The following TMX4 variants were observed in gnomAD, a reference collection of about 807,000 sequenced individuals.
TMX4 encodes the protein thioredoxin-related transmembrane protein 4.
TMX4 carries 23 observed loss-of-function variants against 33.3 expected under a neutral mutation model. The ratio of observed to expected loss-of-function variants is 0.69; its 90% CI spans 0.50 to 0.98. TMX4 has a LOEUF of 0.98. Among genes scored for constraint, TMX4 ranks in the 50% least tolerant of loss-of-function variants. The pLI is 0.00. For synonymous variants in TMX4, 164 were observed against 161.5 expected (o/e 1.02, Z -0.12); for missense variants, 399 against 448.9 (o/e 0.89, Z 1.01).
intron 5 of TMX4, among the ~76,000 whole-genome samples, chr20:7,991,450 A>G (rs1286778889): frequency 6.6e-6 from 1 of 152,180 alleles, no homozygotes; most frequent in Non-Finnish European, 1.5e-5. Context: ...TTTGCATTAC[A>G]CTTACCAGGT....
chr20:7,992,534 A>T (rs1029319261), intron 5 of TMX4, among the ~76,000 whole-genome samples: 1 of 152,208 alleles, frequency 6.6e-6, no homozygotes, highest in African/African-American at 2.4e-5. Context: ...CTGCCTCATA[A>T]GACTATTCAA....
rs959681711 is a variant in TMX4, at chr20:7,978,951, A to G, written c.*3300T>C. On this transcript the variant is annotated 3_prime_UTR_variant, in exon 8 of 8. Transcript: ENST00000246024. ...CCCTGCTCCAACTCCCCAAACATAA[A>G]GCACTGCACATTCCCATTCCAAAAC... is the stretch of plus-strand genomic sequence containing the variant. 2.0e-5 allele frequency: 3 copies of G among 152,198 alleles called. No individual in the cohort carries two copies. Among genetic ancestry groups the G allele is most frequent in the African/African-American group, 7.2e-5 (3 of 41,452 alleles). 9.4% of individuals were successfully genotyped at this position (152,198 alleles called of 1,614,324 possible).
chr20:7,996,631 C>T (rs1020914509), intron 4 of TMX4, among the ~76,000 whole-genome samples: 1 of 152,086 alleles, frequency 6.6e-6, no homozygotes, highest in Non-Finnish European at 1.5e-5. Context: ...CAGGAAAAGT[C>T]TAACTCTCTT....
rs1320353459 is a variant in TMX4, at chr20:7,982,428, C to T, written c.873G>A (p.Glu291=). Residue 291 remains glutamate, a synonymous_variant, in exon 8 of 8, where the codon GAG becomes GAA. Transcript: ENST00000246024. ...EEDNLAAGVD[E]ERSEANDQGP... is the part of the protein sequence containing the mutation. ...CCTGATCATTGGCCTCACTTCTCTCCTCATCCACACCAGCAGCCAAGTTGT... is the reference window on the plus strand; with the variant it reads ...CCTGATCATTGGCCTCACTTCTCTCTTCATCCACACCAGCAGCCAAGTTGT... The T allele has an allele frequency of 6.2e-7, 1 of 1,614,146 alleles. No homozygotes were observed. Among genetic ancestry groups the T allele is most frequent in the Admixed American group, 1.7e-5 (1 of 60,022 alleles).
At chr20:8,001,827 A>G (rs939618046) in intron 2 of TMX4, among the ~76,000 whole-genome samples, 1 of 152,200 alleles carries the variant, frequency 6.6e-6, no homozygotes, top group Non-Finnish European at 1.5e-5. Context: ...TTACCCATTT[A>G]TTAACTTTAT....
At chr20:8,011,223 G>A (rs1401205335) in intron 1 of TMX4, among the ~76,000 whole-genome samples, 5 of 151,872 alleles carry the variant, frequency 3.3e-5, no homozygotes, top group African/African-American at 1.2e-4. Context: ...TACAAAATGT[G>A]GCACCTATTA....
At chr20:7,992,815 A>C (rs1054467530) in intron 5 of TMX4, among the ~76,000 whole-genome samples, 2 of 152,196 alleles carry the variant, frequency 1.3e-5, no homozygotes, top group Non-Finnish European at 2.9e-5. Flanking sequence ...TTCTAGATAT[A>C]TCTCTGATCT....
intron 6 of TMX4, among the ~76,000 whole-genome samples, chr20:7,985,687 G>A (rs963326889): frequency 3.3e-5 from 5 of 151,958 alleles, no homozygotes; most frequent in South Asian, 2.1e-4. Flanking sequence ...TTATTATTTC[G>A]TTAATAAAGT....
intron 1 of TMX4, 28 bp from the exon 2 acceptor site, chr20:8,010,343 G>A (rs772918096): frequency 7.0e-6 from 10 of 1,423,906 alleles, no homozygotes; most frequent in Non-Finnish European, 9.7e-6. Context: ...GAATTATATT[G>A]ATAAATATAC....
At chr20:8,000,281 C>G (rs1043061514) in intron 3 of TMX4, among the ~76,000 whole-genome samples, 1 of 152,122 alleles carries the variant, frequency 6.6e-6, no homozygotes, top group Non-Finnish European at 1.5e-5. Flanking sequence ...GTCATACCCC[C>G]CTTCAACCTG....
intron 5 of TMX4, among the ~76,000 whole-genome samples, chr20:7,990,790 C>A (rs746977878): frequency 8.5e-5 from 13 of 152,150 alleles, no homozygotes; most frequent in Non-Finnish European, 1.5e-5. Context: ...CCCAAAATAT[C>A]TTCCCTGCAA....
intron 5 of TMX4, among the ~76,000 whole-genome samples, chr20:7,989,724 G>T (rs2050646109): frequency 6.6e-6 from 1 of 152,162 alleles, no homozygotes; most frequent in South Asian, 2.1e-4. Flanking sequence ...CCTTATGAGT[G>T]TTAGGATTAG....
chr20:8,006,752 T>A (rs1011712911), intron 2 of TMX4, among the ~76,000 whole-genome samples: 6 of 114,094 alleles, frequency 5.3e-5, no homozygotes, highest in Admixed American at 8.3e-5. Flanking sequence ...ATGATGGAAC[T>A]TCTTCTTCTT....
intron 5 of TMX4, among the ~76,000 whole-genome samples, chr20:7,991,196 C>T (rs370849816): frequency 2.6e-5 from 4 of 152,254 alleles, no homozygotes; most frequent in African/African-American, 9.6e-5. Flanking sequence ...AAGGATGTAG[C>T]ACATCTTATT....
At chr20:8,006,337 A>C (rs985835881) in intron 2 of TMX4, among the ~76,000 whole-genome samples, 8 of 152,244 alleles carry the variant, frequency 5.3e-5, no homozygotes, top group Non-Finnish European at 1.2e-4. Flanking sequence ...TATAAGAATA[A>C]CTAAAGAGTA....
intron 6 of TMX4, 68 bp from the exon 7 acceptor site, chr20:7,983,925 G>C (rs1600139268): frequency 8.2e-7 from 1 of 1,216,084 alleles, no homozygotes; most frequent in East Asian, 2.4e-5. Flanking sequence ...CTCAAAATTA[G>C]GCCTTGCTTC....
chr20:7,988,488 A>G (rs568502436), intron 5 of TMX4, among the ~76,000 whole-genome samples: 2 of 152,226 alleles, frequency 1.3e-5, no homozygotes, highest in South Asian at 2.1e-4. Flanking sequence ...AATCTGAAAT[A>G]TCTCTCTACA....
At chr20:7,998,933 G>T (rs2050689580) in intron 4 of TMX4, among the ~76,000 whole-genome samples, 2 of 152,148 alleles carry the variant, frequency 1.3e-5, no homozygotes, top group African/African-American at 4.8e-5. Flanking sequence ...TGTACCTGAG[G>T]TGAATGTCTG....
intron 3 of TMX4, 47 bp downstream of exon 3, chr20:8,001,449 C>G (rs1294783584): frequency 2.0e-6 from 3 of 1,526,542 alleles, no homozygotes; most frequent in Non-Finnish European, 1.8e-6. Flanking sequence ...TGGTACACAT[C>G]TATTGATTTC....
Sources: allele counts gnomAD v4.1 joint callset (sites outside exome capture counted in the v4.1 genomes callset), GRCh38; gene constraint gnomAD v4.1.1; transcripts MANE v1.5; gene names NCBI Gene and HGNC (gene_info 2026-07-23, HGNC 2026-07-21).